The following BRSK2 variants were observed in gnomAD, a reference collection of about 807,000 sequenced individuals.
The protein encoded by BRSK2 is BR serine/threonine kinase 2.
In BRSK2, 19 loss-of-function variants were observed where a neutral mutation model predicts 83.3. The observed-to-expected ratio is 0.23, with a 90% CI of 0.16 to 0.33. BRSK2 has a LOEUF of 0.33. Among genes scored for constraint, BRSK2 ranks in the 10% least tolerant of loss-of-function variants. The pLI, the probability that BRSK2 is intolerant of heterozygous loss-of-function variation, is 1.00. For missense variants in BRSK2, 798 were observed against 1,042.3 expected, an observed-to-expected ratio of 0.77 and a Z score of 3.23; for synonymous variants, 519 against 435.4, an observed-to-expected ratio of 1.19 and a Z score of -2.39.
chr11:1,422,919 G>A (rs1564821354), intron 1 of BRSK2, among the ~76,000 whole-genome samples: 1 of 152,232 alleles, frequency 6.6e-6, no homozygotes, highest in Non-Finnish European at 1.5e-5. Flanking sequence ...GTGATGTGGT[G>A]TCCGGAGGAT....
At chr11:1,448,171 G>A (rs1423239160) in intron 12 of BRSK2, among the ~76,000 whole-genome samples, 4 of 152,210 alleles carry the variant, frequency 2.6e-5, no homozygotes, top group Admixed American at 6.5e-5. Context: ...TGCTGTGTCC[G>A]GTGGGCCTCG....
At chr11:1,393,819 C>T (rs2134008306) in intron 1 of BRSK2, among the ~76,000 whole-genome samples, 1 of 152,324 alleles carries the variant, frequency 6.6e-6, no homozygotes. Context: ...GAAAGTTGAG[C>T]AGGACGGGCA....
intron 1 of BRSK2, among the ~76,000 whole-genome samples, chr11:1,435,026 C>T (rs893836364): frequency 1.1e-4 from 17 of 151,442 alleles, no homozygotes; most frequent in Admixed American, 3.9e-4. Context: ...GGACCGGGAC[C>T]GTGTGCCCAG....
chr11:1,419,121 G>C (rs965182263), intron 1 of BRSK2, among the ~76,000 whole-genome samples: 22 of 151,002 alleles, frequency 1.5e-4, no homozygotes, highest in Non-Finnish European at 1.5e-4. Flanking sequence ...GCAGGTGCGT[G>C]TCAGGTGTGA....
intron 1 of BRSK2, among the ~76,000 whole-genome samples, chr11:1,400,305 G>A (rs1027548489): frequency 1.3e-5 from 2 of 152,328 alleles, no homozygotes; most frequent in Middle Eastern, 3.4e-3. Context: ...GGAGGCCCGG[G>A]CATGGGGTGG....
chr11:1,427,916 T>C (rs528626147), intron 1 of BRSK2, among the ~76,000 whole-genome samples: 1 of 152,322 alleles, frequency 6.6e-6, no homozygotes, highest in South Asian at 2.1e-4. Context: ...CCAAACATTC[T>C]GCTCAGAGAA....
intron 3 of BRSK2, 123 bp from the exon 4 acceptor site, chr11:1,440,665 C>T: frequency 7.6e-7 from 1 of 1,313,558 alleles, no homozygotes; most frequent in East Asian, 2.6e-5. Context: ...CCCCCCCAGC[C>T]AGCAAGAGGA....
chr11:1,443,250 C>G, intron 6 of BRSK2, 85 bp from the exon 7 acceptor site: 2 of 1,522,002 alleles, frequency 1.3e-6, no homozygotes, highest in Non-Finnish European at 1.8e-6. Flanking sequence ...TGCCTGTCCC[C>G]GGGCCGACTC....
rs1362877509 is a variant in BRSK2 at position 1,462,658 on chromosome 11, C to T, written c.*1935C>T. On this transcript the variant is annotated 3_prime_UTR_variant, in exon 20 of 20. Transcript: ENST00000528841. ...CTGTCATAACTGTGAGCAGCTGCAG[C>T]TCCGGAACAATAAATCCCTTCCGCA... The T allele has an allele frequency of 6.6e-6, 1 of 152,370 alleles. No individual in the cohort carries two copies. The highest frequency in any genetic ancestry group is 1.5e-5 in the Non-Finnish European group (1 of 68,138). 9.4% of individuals were successfully genotyped at this position (152,370 alleles called of 1,614,324 possible).
At chr11:1,400,576 C>T (rs539393519) in intron 1 of BRSK2, among the ~76,000 whole-genome samples, 6 of 152,348 alleles carry the variant, frequency 3.9e-5, no homozygotes, top group South Asian at 2.1e-4. Flanking sequence ...AAGCCAGGCA[C>T]GGGGCCAGCA....
intron 1 of BRSK2, among the ~76,000 whole-genome samples, chr11:1,391,574 C>A (rs897914122): frequency 6.6e-6 from 1 of 152,170 alleles, no homozygotes; most frequent in Non-Finnish European, 1.5e-5. Context: ...CACAGCCTTC[C>A]GCCACCCGCC....
At chr11:1,435,921 A>T (rs1170578165) in intron 1 of BRSK2, 119 bp from the exon 2 acceptor site, 10 of 686,520 alleles carry the variant, frequency 1.5e-5, no homozygotes, top group Non-Finnish European at 1.9e-5. Context: ...CCGGCCCTGG[A>T]GCGGGTGGGA....
chr11:1,439,905 C>A (rs1463503122), intron 3 of BRSK2, among the ~76,000 whole-genome samples: 1 of 152,116 alleles, frequency 6.6e-6, no homozygotes, highest in Non-Finnish European at 1.5e-5. Flanking sequence ...CCTTCCCCTG[C>A]CCTGGGGGCT....
intron 1 of BRSK2, among the ~76,000 whole-genome samples, chr11:1,407,413 G>A (rs1038029528): frequency 2.0e-5 from 3 of 152,094 alleles, no homozygotes; most frequent in Non-Finnish European, 2.9e-5. Flanking sequence ...TTCTCACATC[G>A]GACCCTTGGC....
At position 1,438,353 on chromosome 11, in the gene BRSK2, C is replaced by A; in HGVS notation, c.234C>A (p.Val78=). 1 of 1,614,128 alleles carries A rather than the reference C, an allele frequency of 6.2e-7. No individual in the cohort carries two copies. The highest frequency in any genetic ancestry group is 8.5e-7 in the Non-Finnish European group (1 of 1,179,986). The change falls in exon 3 of 20, where the codon GTC becomes GTA. Residue 78 remains valine (V), a synonymous_variant. Coordinates refer to ENST00000528841, the MANE Select transcript of BRSK2 (RefSeq NM_001256627.2). This position sits in a 1 kb window ranked among gnomAD's most constrained non-coding sequence, Gnocchi z 6.4. The part of the protein sequence containing the change: ...AILKLIEHPH[V]LKLHDVYENK... ...TGAAGCTCATTGAGCACCCCCACGT[C>A]CTAAAGCTGCACGACGTTTATGAAA...
chr11:1,444,596 G>T (rs1851765209), intron 8 of BRSK2, among the ~76,000 whole-genome samples: 2 of 152,008 alleles, frequency 1.3e-5, no homozygotes, highest in African/African-American at 4.8e-5. Context: ...AGCCACGGAG[G>T]GGCCCAGCCC....
In BRSK2 at chr11:1,461,304, C is replaced by T. The variant is rs868639370; in HGVS notation, c.*581C>T. 15 of 445,484 alleles carry T rather than the reference C, an allele frequency of 3.4e-5. No individual in the cohort carries two copies. The highest frequency in any genetic ancestry group is 4.8e-5 in the Non-Finnish European group (12 of 250,090). 27.6% of individuals were successfully genotyped at this position (445,484 alleles called of 1,614,324 possible). ...GAACAGGCCCCGTCCACCGCCTCCA[C>T]GCCGCACCTGGAGGCCTCCTCGCAG... On this transcript the variant is annotated 3_prime_UTR_variant, in exon 20 of 20. Coordinates refer to ENST00000528841, the MANE Select transcript of BRSK2 (RefSeq NM_001256627.2).
At chr11:1,416,549 C>A (rs368640335) in intron 1 of BRSK2, among the ~76,000 whole-genome samples, 1 of 152,144 alleles carries the variant, frequency 6.6e-6, no homozygotes, top group Non-Finnish European at 1.5e-5. Flanking sequence ...TAACTACCGG[C>A]GGTTGTATTT....
intron 14 of BRSK2, 80 bp downstream of exon 14, chr11:1,450,874 C>T (rs997629050): frequency 3.7e-6 from 5 of 1,348,334 alleles, no homozygotes; most frequent in Admixed American, 2.9e-5. Flanking sequence ...CCCGGCAGTG[C>T]CAGACCAGTC....
Sources: gnomAD v4.1 joint callset for allele counts (sites outside exome capture counted in the v4.1 genomes callset) on GRCh38, gnomAD v4.1.1 for gene constraint, Gnocchi (gnomAD v3.1) non-coding constraint, MANE v1.5 for transcripts, NCBI Gene and HGNC (gene_info 2026-07-23, HGNC 2026-07-21) for gene names.